MERTK: variants seen among roughly 807,000 people sequenced by gnomAD.
The protein encoded by MERTK is tyrosine-protein kinase Mer.
A neutral mutation model predicts 99.3 loss-of-function variants in MERTK; 69 were observed. That is an observed-to-expected ratio of 0.70 (90% CI 0.57 to 0.85). MERTK has a LOEUF of 0.85. Among genes scored for constraint, MERTK ranks in the 40% least tolerant of loss-of-function variants. The pLI, the probability that MERTK is intolerant of heterozygous loss-of-function variation, is 0.00. For synonymous variants in MERTK, 426 were observed against 467.6 expected, an observed-to-expected ratio of 0.91 and a Z score of 1.15; for missense variants, 1,125 against 1,249.4, an observed-to-expected ratio of 0.90 and a Z score of 1.50.
At chr2:111,903,737 G>T (rs1402919702) in intron 1 of MERTK, among the ~76,000 whole-genome samples, 1 of 152,192 alleles carries the variant, frequency 6.6e-6, no homozygotes, top group Admixed American at 6.5e-5. Flanking sequence ...TGGGGCTTTG[G>T]GGGTGGTGAT....
chr2:111,912,031 C>T (rs538428954), intron 1 of MERTK, among the ~76,000 whole-genome samples: 52 of 150,446 alleles, frequency 3.5e-4, no homozygotes, highest in Middle Eastern at 6.8e-3. Flanking sequence ...ATGACGGAGT[C>T]TCACGCTGTC....
At position 112,009,941 on chromosome 2, in the gene MERTK, A is replaced by AT. The variant is rs772574056; in HGVS notation, c.1961-4dup. 3.1e-5 allele frequency: 49 copies of AT among 1,592,386 alleles called. No homozygotes were observed. In the East Asian group the frequency reaches 6.0e-4, roughly 20 times the overall value. On this transcript the variant is annotated splice_region_variant and splice_polypyrimidine_tract_variant and intron_variant, in intron 14 of 18. Transcript: ENST00000295408. ...CTTTGTAATTGATGCTGTGTTTGTA[A>AT]TTTCAGGTGTGTGTATAGAAATGAG...
intron 4 of MERTK, among the ~76,000 whole-genome samples, chr2:111,951,722 G>A (rs1470041630): frequency 6.6e-6 from 1 of 151,492 alleles, no homozygotes; most frequent in African/African-American, 2.4e-5. Flanking sequence ...TCATATGGTA[G>A]TTCTATTTTT....
intron 5 of MERTK, among the ~76,000 whole-genome samples, chr2:111,965,601 CT>C (rs1212903234): frequency 6.6e-6 from 1 of 152,200 alleles, no homozygotes; most frequent in African/African-American, 2.4e-5. Context: ...AATGTTTTCT[CT>C]TTCTTAGTTC....
chr2:111,992,612 G>A (rs1222777424), intron 8 of MERTK, among the ~76,000 whole-genome samples: 3 of 151,938 alleles, frequency 2.0e-5, no homozygotes, highest in Admixed American at 2.0e-4. Flanking sequence ...TTAGCTTGGT[G>A]TGGTGGTGTG....
Position 112,021,533 on chromosome 2 carries a change from C to A in MERTK, c.2301C>A (p.Ile767=), listed in dbSNP as rs767607342. Residue 767 remains isoleucine, a synonymous_variant, in exon 17 of 19, where the codon ATC becomes ATA. Coordinates refer to ENST00000295408, the MANE Select transcript of MERTK (RefSeq NM_006343.3). ...GRIAKMPVKW[I]AIESLADRVY... The stretch of plus-strand genomic sequence containing the variant: ...TTGCTAAGATGCCTGTTAAATGGAT[C>A]GCCATAGAAAGTCTTGCAGACCGAG... The A allele has an allele frequency of 6.8e-7, 1 of 1,469,628 alleles. No individual in the cohort carries two copies. The highest frequency in any genetic ancestry group is 2.6e-5 in the East Asian group (1 of 38,106). The allele number at this position is 1,469,628 out of a possible 1,614,324, so 91.0% of individuals were successfully genotyped here.
At chr2:111,928,551 C>T (rs1684610617) in intron 1 of MERTK, among the ~76,000 whole-genome samples, 2 of 152,098 alleles carry the variant, frequency 1.3e-5, no homozygotes, top group African/African-American at 2.4e-5. Context: ...TGTGGTGCTA[C>T]CTTGGCTCAC....
At chr2:111,937,822 C>T (rs1379170817) in intron 2 of MERTK, among the ~76,000 whole-genome samples, 5 of 152,176 alleles carry the variant, frequency 3.3e-5, no homozygotes, top group African/African-American at 7.2e-5. Flanking sequence ...CTTACCCTGT[C>T]GGCACCATGT....
Position 112,010,026 on chromosome 2 carries a change from A to G in MERTK, c.2039A>G (p.His680Arg), listed in dbSNP as rs749028235. The change falls in exon 15 of 19, where the codon CAT becomes CGT. Residue 680 changes from histidine to arginine, a missense_variant. By Grantham distance (29) the His-to-Arg change is conservative. Coordinates refer to ENST00000295408, the MANE Select transcript of MERTK (RefSeq NM_006343.3). ...CCCTTCATGAAATACGGGGACCTGC[A>G]TACTTACTTACTTTATTCCCGATTG... ...ILPFMKYGDL[H>R]TYLLYSRLET... 9.3e-6 allele frequency: 15 copies of G among 1,613,748 alleles called. No individual in the cohort carries two copies. The highest frequency in any genetic ancestry group is 3.4e-6 in the Non-Finnish European group (4 of 1,179,778).
At chr2:111,937,618 G>C (rs1684787443) in intron 2 of MERTK, among the ~76,000 whole-genome samples, 1 of 151,986 alleles carries the variant, frequency 6.6e-6, no homozygotes, top group African/African-American at 2.4e-5. Context: ...GCCTTACTGG[G>C]GCTGATGCCT....
At chr2:111,974,635 G>A in intron 6 of MERTK, among the ~76,000 whole-genome samples, 1 of 151,814 alleles carries the variant, frequency 6.6e-6, no homozygotes, top group Non-Finnish European at 1.5e-5. Flanking sequence ...TGTGCGTGGT[G>A]GCACATGCCT....
At position 111,997,827 on chromosome 2, in the gene MERTK, G is replaced by A. The variant is rs555540906; in HGVS notation, c.1604+351G>A. 7.2e-5 allele frequency among the ~76,000 whole-genome samples: 11 copies of A among 152,310 alleles called. No individual in the cohort carries two copies. The South Asian group carries it at 1.4e-3, about 20-fold the overall frequency. Reference sequence around the variant, plus strand: ...AGCACTTTGGGAGGCCAAGGCAGGCGGATCACTTGAGGTCAGGAGTTTGAG... The same window carrying A: ...AGCACTTTGGGAGGCCAAGGCAGGCAGATCACTTGAGGTCAGGAGTTTGAG... On this transcript the variant is annotated intron_variant, in intron 10 of 18. Coordinates refer to ENST00000295408, the MANE Select transcript of MERTK (RefSeq NM_006343.3).
chr2:111,956,556 CAA>C (rs1275410207), intron 4 of MERTK, among the ~76,000 whole-genome samples: 1 of 152,104 alleles, frequency 6.6e-6, no homozygotes, highest in Non-Finnish European at 1.5e-5. Flanking sequence ...ATAACAGAAA[CAA>C]CAGTAATAAC....
intron 4 of MERTK, among the ~76,000 whole-genome samples, chr2:111,961,612 T>C (rs1323484556): frequency 6.6e-6 from 1 of 152,140 alleles, no homozygotes; most frequent in Non-Finnish European, 1.5e-5. Context: ...AATGAAAGGT[T>C]ACCACCGAAT....
At chr2:111,962,241 C>T (rs1205481568) in intron 4 of MERTK, among the ~76,000 whole-genome samples, 2 of 152,146 alleles carry the variant, frequency 1.3e-5, no homozygotes, top group African/African-American at 2.4e-5. Flanking sequence ...GGTGTGGTGG[C>T]TCACACCTGT....
Position 111,951,522 on chromosome 2 carries a change from CATATATATATATATATAT to C in MERTK, c.757+3965_757+3982del, listed in dbSNP as rs56410508. Among the ~76,000 whole-genome samples, 492 of 85,870 alleles carry C rather than the reference CATATATATATATATATAT, an allele frequency of 5.7e-3. 68 individuals carry two copies. Among genetic ancestry groups the C allele is most frequent in the Non-Finnish European group, 2.6e-3 (102 of 39,922 alleles). 56.3% of individuals were successfully genotyped at this position (85,870 alleles called of 152,430 possible). On this transcript the variant is annotated intron_variant, in intron 4 of 18. Coordinates refer to ENST00000295408, the MANE Select transcript of MERTK (RefSeq NM_006343.3). Reference sequence around the variant, plus strand: ...TTTTGTACACGCTGAATAATATTCCCATATATATATATATATATATATATATACCATAATTTTTTAATC... The same window carrying C: ...TTTTGTACACGCTGAATAATATTCCCATATATATACCATAATTTTTTAATC...
At chr2:111,922,048 A>T (rs1338554461) in intron 1 of MERTK, among the ~76,000 whole-genome samples, 1 of 152,184 alleles carries the variant, frequency 6.6e-6, no homozygotes, top group Non-Finnish European at 1.5e-5. Context: ...CTCTCTTCCC[A>T]GGTGCCTGGG....
At chr2:111,960,949 CCGAGGCAG>C in intron 4 of MERTK, among the ~76,000 whole-genome samples, 1 of 151,406 alleles carries the variant, frequency 6.6e-6, no homozygotes, top group Admixed American at 6.6e-5. Flanking sequence ...TATAAAGACC[CCGAGGCAG>C]AGTATCACAG....
chr2:112,029,178 T>A lies in MERTK; in HGVS notation c.*314T>A. The A allele has an allele frequency of 9.7e-7, 1 of 1,027,118 alleles. No individual in the cohort carries two copies. Among genetic ancestry groups the A allele is most frequent in the Non-Finnish European group, 1.2e-6 (1 of 852,332 alleles). 63.6% of individuals were successfully genotyped at this position (1,027,118 alleles called of 1,614,324 possible). A position where few individuals can be genotyped will look rare whatever the true frequency, so the allele number is the denominator to read the frequency against. Reference sequence around the variant, plus strand: ...CCTTGATATTAACATTTGTACAGAGTTGAAGTTGTTTTTTCAAGTTCTTTT... The same window carrying A: ...CCTTGATATTAACATTTGTACAGAGATGAAGTTGTTTTTTCAAGTTCTTTT... On this transcript the variant is annotated 3_prime_UTR_variant, in exon 19 of 19. Transcript: ENST00000295408.
Sources: gnomAD v4.1 joint callset for allele counts (sites outside exome capture counted in the v4.1 genomes callset) on GRCh38, gnomAD v4.1.1 for gene constraint, MANE v1.5 for transcripts, NCBI Gene and HGNC (gene_info 2026-07-23, HGNC 2026-07-21) for gene names.